The following TRIM2 variants were observed in gnomAD, a reference collection of about 807,000 sequenced individuals.
TRIM2 encodes tripartite motif containing 2.
In TRIM2, 20 loss-of-function variants were observed where a neutral mutation model predicts 75.2. The ratio of observed to expected loss-of-function variants is 0.27; its 90% CI spans 0.19 to 0.39. TRIM2 has a LOEUF of 0.39. TRIM2 is among the 10% of genes least tolerant of loss of function. The pLI, the probability that TRIM2 is intolerant of heterozygous loss-of-function variation, is 1.00. For missense variants in TRIM2, 660 were observed against 990.8 expected (o/e 0.67, Z 4.48); for synonymous variants, 373 against 388.3 (o/e 0.96, Z 0.46).
chr4:153,254,510 C>T (rs749823615), intron 1 of TRIM2, among the ~76,000 whole-genome samples: 4 of 152,164 alleles, frequency 2.6e-5, no homozygotes, highest in East Asian at 1.9e-4. Flanking sequence ...TTGAGACCCC[C>T]GAGTCCGGCC....
intron 1 of TRIM2, among the ~76,000 whole-genome samples, chr4:153,258,955 G>GT (rs1426940302): frequency 3.3e-5 from 5 of 152,202 alleles, no homozygotes; most frequent in Non-Finnish European, 5.9e-5. Flanking sequence ...ACAATGAGAA[G>GT]TTTCATGTGT....
At chr4:153,314,783 G>A (rs941771264) in intron 6 of TRIM2, among the ~76,000 whole-genome samples, 4 of 151,758 alleles carry the variant, frequency 2.6e-5, no homozygotes, top group Non-Finnish European at 4.4e-5. Flanking sequence ...TATGAAAATC[G>A]CCTACTATTT....
At chr4:153,246,447 G>T (rs988457095) in intron 1 of TRIM2, among the ~76,000 whole-genome samples, 4 of 152,134 alleles carry the variant, frequency 2.6e-5, no homozygotes, top group African/African-American at 9.7e-5. Context: ...AGAGGCCACA[G>T]ATAAAAATTG....
intron 1 of TRIM2, among the ~76,000 whole-genome samples, chr4:153,226,283 A>G (rs114411575): frequency 0.01 from 1,560 of 152,332 alleles, 26 homozygotes; most frequent in African/African-American, 0.035. Flanking sequence ...AAATTTGTCT[A>G]TGCAGAAGGG....
chr4:153,335,904 G>A lies in TRIM2; in HGVS notation c.*938G>A. 1.0e-6 allele frequency: 1 copy of A among 985,850 alleles called. No individual in the cohort carries two copies. The highest frequency in any genetic ancestry group is 1.2e-6 in the Non-Finnish European group (1 of 829,930). The allele number at this position is 985,850 out of a possible 1,614,324, so 61.1% of individuals were successfully genotyped here. ...AGTAGGACACCAGTATCCTAGGACA[G>A]AGAGCCATAAGTAGCCCTTTGGAGG... On this transcript the variant is annotated 3_prime_UTR_variant, in exon 12 of 12. Transcript: ENST00000338700.
At chr4:153,159,158 CT>C (rs1729508600) in intron 1 of TRIM2, among the ~76,000 whole-genome samples, 1 of 152,094 alleles carries the variant, frequency 6.6e-6, no homozygotes, top group African/African-American at 2.4e-5. Context: ...TAAAACGGAA[CT>C]GTATCTTACT....
intron 6 of TRIM2, among the ~76,000 whole-genome samples, chr4:153,306,044 G>A (rs1335567531): frequency 4.6e-5 from 7 of 151,612 alleles, no homozygotes; most frequent in Admixed American, 1.3e-4. Flanking sequence ...CTGGAGAATC[G>A]CTCGAACCCG....
intron 1 of TRIM2, among the ~76,000 whole-genome samples, chr4:153,227,083 GTGA>G (rs1233200272): frequency 1.3e-5 from 2 of 152,198 alleles, no homozygotes; most frequent in East Asian, 3.8e-4. Flanking sequence ...TCTTTCCTCA[GTGA>G]GGAAATCAGC....
intron 9 of TRIM2, among the ~76,000 whole-genome samples, chr4:153,323,543 G>A (rs192375441): frequency 2.0e-4 from 31 of 152,210 alleles, no homozygotes; most frequent in African/African-American, 6.7e-4. Context: ...GTGCAGTGGC[G>A]TGATCTCAGC....
At chr4:153,297,602 T>C (rs1420387203) in intron 6 of TRIM2, among the ~76,000 whole-genome samples, 1 of 152,156 alleles carries the variant, frequency 6.6e-6, no homozygotes, top group Non-Finnish European at 1.5e-5. Context: ...GGCTCCCCAC[T>C]GATCTCTTGC....
intron 1 of TRIM2, among the ~76,000 whole-genome samples, chr4:153,170,902 C>G (rs1730788601): frequency 6.6e-6 from 1 of 152,184 alleles, no homozygotes; most frequent in Non-Finnish European, 1.5e-5. Flanking sequence ...GACACCTGAC[C>G]AGTAGACTTG....
chr4:153,201,908 C>G (rs1033644439), upstream of TRIM2, among the ~76,000 whole-genome samples: 1 of 152,032 alleles, frequency 6.6e-6, no homozygotes, highest in Non-Finnish European at 1.5e-5. Context: ...GGTTCACACA[C>G]CTTAGAAGAA....
chr4:153,307,332 T>G (rs1765229765), intron 6 of TRIM2, among the ~76,000 whole-genome samples: 1 of 152,200 alleles, frequency 6.6e-6, no homozygotes, highest in Admixed American at 6.5e-5. Flanking sequence ...ACACCATACC[T>G]TAATGAGTAG....
rs1156297928 is a variant in TRIM2, at chr4:153,270,487, G to A, written c.183G>A (p.Lys61=). The A allele has an allele frequency of 3.3e-5, 53 of 1,612,418 alleles. No homozygotes were observed. The highest frequency in any genetic ancestry group is 4.5e-5 in the Non-Finnish European group (53 of 1,179,362). ...SICLERYKNP[K]VLPCLHTFCE... is the part of the protein sequence containing the mutation. ...GCCTGGAACGGTACAAGAATCCCAA[G>A]GTTCTCCCCTGTCTGCACACTTTCT... Residue 61 remains lysine, a synonymous_variant, in exon 2 of 12, where the codon AAG becomes AAA. Transcript: ENST00000338700.
In TRIM2 at chr4:153,335,886, C is replaced by T. The variant is rs1051226316; in HGVS notation, c.*920C>T. On this transcript the variant is annotated 3_prime_UTR_variant, in exon 12 of 12. Transcript: ENST00000338700. ...GCAAATGTCAGCACATGTAGTAGGA[C>T]ACCAGTATCCTAGGACAGAGAGCCA... 13 of 985,786 alleles carry T rather than the reference C, an allele frequency of 1.3e-5. No individual in the cohort carries two copies. The Admixed American group carries it at 3.7e-4, about 28-fold the overall frequency. The allele number at this position is 985,786 out of a possible 1,614,324, so 61.1% of individuals were successfully genotyped here.
rs1331829659 is a variant in TRIM2 at position 153,322,798 on chromosome 4, G to C, written c.1933G>C (p.Gly645Arg). ...CACCAGGTTTGGTAGCCGAGGAAAT[G>C]GGGACAGGCAGTTTGCAGGTACACT... ...IVTRFGSRGN[G>R]DRQFAGPHFA... Residue 645 changes from glycine to arginine, a missense_variant, in exon 9 of 12, where the codon GGG becomes CGG. Transcript: ENST00000338700. The C allele has an allele frequency of 1.9e-6, 3 of 1,614,196 alleles. No individual in the cohort carries two copies. Among genetic ancestry groups the C allele is most frequent in the Admixed American group, 3.3e-5 (2 of 60,030 alleles).
intron 1 of TRIM2, among the ~76,000 whole-genome samples, chr4:153,262,826 T>C (rs1391128975): frequency 1.3e-5 from 2 of 152,196 alleles, no homozygotes; most frequent in Non-Finnish European, 2.9e-5. Flanking sequence ...AAAGACAGCA[T>C]GGAGGTTAGA....
At chr4:153,263,691 G>A (rs1443579613) in intron 1 of TRIM2, among the ~76,000 whole-genome samples, 1 of 152,172 alleles carries the variant, frequency 6.6e-6, no homozygotes, top group Non-Finnish European at 1.5e-5. Context: ...TAACAAAAAT[G>A]CCATGGATTG....
At chr4:153,156,789 A>G (rs1365779342) in intron 1 of TRIM2, 3 of 152,240 alleles carry the variant, frequency 2.0e-5, no homozygotes, top group Admixed American at 6.5e-5. Context: ...ACCTCTCTGC[A>G]TAGACAAGAC....
Sources: allele counts gnomAD v4.1 joint callset (sites outside exome capture counted in the v4.1 genomes callset), GRCh38; gene constraint gnomAD v4.1.1; transcripts MANE v1.5; gene names NCBI Gene and HGNC (gene_info 2026-07-23, HGNC 2026-07-21).